MSH5: variants seen among roughly 807,000 people sequenced by gnomAD.
MSH5 encodes mutS homolog 5.
Under a neutral mutation model 107.7 loss-of-function variants are expected in MSH5, and 78 were observed. That is an observed-to-expected ratio of 0.72 (90% CI 0.60 to 0.87). The LOEUF (loss-of-function observed/expected upper bound fraction) is 0.87. Ranked by LOEUF, MSH5 falls within the 40% of genes least tolerant of loss-of-function variation. MSH5 has a pLI of 0.00. For synonymous variants in MSH5, 326 were observed against 399.5 expected (o/e 0.82, Z 2.19); for missense variants, 889 against 1,046.6 (o/e 0.85, Z 2.08).
intron 10 of MSH5, among the ~76,000 whole-genome samples, chr6:31,751,985 G>A (rs1030931896): frequency 6.6e-6 from 1 of 151,972 alleles, no homozygotes; most frequent in African/African-American, 2.4e-5. Flanking sequence ...TGTAGTTCCA[G>A]CTGCTGGGGA....
intron 9 of MSH5, 45 bp from the exon 10 acceptor site, chr6:31,747,342 G>T: frequency 6.2e-7 from 1 of 1,603,442 alleles, no homozygotes; most frequent in Non-Finnish European, 8.5e-7. Context: ...TCCATTCCCT[G>T]TCCCTGCCTT....
chr6:31,743,387 G>T (rs1011171958), intron 5 of MSH5: 2 of 602,516 alleles, frequency 3.3e-6, no homozygotes, highest in Non-Finnish European at 5.9e-6. Flanking sequence ...GTCATGTCTA[G>T]GGATGAGGGC....
Position 31,759,276 on chromosome 6 carries a change from C to T in MSH5, c.1407+99C>T. The T allele has an allele frequency of 7.3e-7, 1 of 1,373,190 alleles. No homozygotes were observed. Among genetic ancestry groups the T allele is most frequent in the Non-Finnish European group, 1.0e-6 (1 of 963,214 alleles). 85.1% of individuals were successfully genotyped at this position (1,373,190 alleles called of 1,614,324 possible). ...AGCAGCACTGCCCAATATGGGATCT[C>T]TCCTCTGTAGTTTTACTCTGAGCTT... On this transcript the variant is annotated intron_variant, in intron 16 of 24. Coordinates refer to ENST00000375750, the MANE Select transcript of MSH5 (RefSeq NM_172166.4). This position sits in a 1 kb window ranked among gnomAD's most constrained non-coding sequence, Gnocchi z 4.7.
At chr6:31,753,149 G>T in intron 10 of MSH5, 152 bp from the exon 11 acceptor site, 1 of 907,860 alleles carries the variant, frequency 1.1e-6, no homozygotes, top group South Asian at 1.7e-5. Flanking sequence ...CACCTGAATG[G>T]GTAGGACACT....
In MSH5 at chr6:31,743,936, G is replaced by A. The variant is rs1347431600; in HGVS notation, c.448G>A (p.Gly150Arg). 5.0e-6 allele frequency: 8 copies of A among 1,613,348 alleles called. No homozygotes were observed. In the South Asian group the frequency reaches 8.8e-5, roughly 18 times the overall value. Reference sequence around the variant, plus strand: ...GATAAGCAAACAACGCCTCCTTTCTGGAAACTACTCCTTCATCCCAGACGC... The same window carrying A: ...GATAAGCAAACAACGCCTCCTTTCTAGAAACTACTCCTTCATCCCAGACGC... ...LEISKQRLLS[G>R]NYSFIPDAMT... Residue 150 changes from glycine to arginine, a missense_variant, in exon 6 of 25, where the codon GGA becomes AGA. By Grantham distance (125) the Gly-to-Arg change is moderately radical (BLOSUM62 -2). This residue lies in a region of MSH5 where 518 missense variants were observed against 565.0 expected (regional missense o/e 0.92). Transcript: ENST00000375750.
chr6:31,744,039 T>C lies in MSH5; in HGVS notation c.537+14T>C. ...TGCCTCCTCACAGTGAGATTGGTCC[T>C]GGGGGATAAGGGCTGGGAGGCGGCA... On this transcript the variant is annotated intron_variant, in intron 6 of 24. Coordinates refer to ENST00000375750, the MANE Select transcript of MSH5 (RefSeq NM_172166.4). 6.2e-7 allele frequency: 1 copy of C among 1,613,998 alleles called. No homozygotes were observed. Among genetic ancestry groups the C allele is most frequent in the East Asian group, 2.2e-5 (1 of 44,886 alleles).
rs116847602 is a variant in MSH5 at position 31,753,278 on chromosome 6, C to A, written c.813-23C>A. 9.1e-4 allele frequency: 1,436 copies of A among 1,580,702 alleles called. 30 individuals carry two copies. The East Asian group carries it at 0.031, about 34-fold the overall frequency. ...GATGATAGATGTAACTTGTAGTACC[C>A]CCACCCAAACCCTCACTTCCAGGCT... On this transcript the variant is annotated intron_variant, in intron 10 of 24. Transcript: ENST00000375750.
At chr6:31,742,741 C>G in intron 3 of MSH5, 136 bp from the exon 4 acceptor site, 5 of 752,858 alleles carry the variant, frequency 6.6e-6, no homozygotes, top group Non-Finnish European at 1.1e-5. Context: ...TGTGTTCCCA[C>G]TGTGCAGAGC....
chr6:31,747,465 G>A (rs1191251451), intron 10 of MSH5, 33 bp downstream of exon 10: 1 of 1,607,526 alleles, frequency 6.2e-7, no homozygotes, highest in South Asian at 1.1e-5. Context: ...ACACACTAAT[G>A]CATGAATTCC....
At position 31,745,231 on chromosome 6, in the gene MSH5, C is replaced by A. The variant is rs749157294; in HGVS notation, c.684-6C>A. 2.5e-6 allele frequency: 4 copies of A among 1,602,626 alleles called. No individual in the cohort carries two copies. The highest frequency in any genetic ancestry group is 8.5e-7 in the Non-Finnish European group (1 of 1,169,808). On this transcript the variant is annotated splice_region_variant and splice_polypyrimidine_tract_variant and intron_variant, in intron 8 of 24. Coordinates refer to ENST00000375750, the MANE Select transcript of MSH5 (RefSeq NM_172166.4). ...TACCCCAAACTCCTCCATTTCTCCT[C>A]GACAGTGTTCTACAGATTTTTAAGA...
chr6:31,745,260 A>T lies in MSH5; in HGVS notation c.707A>T (p.Glu236Val). Residue 236 changes from glutamate (E) to valine (V), a missense_variant, in exon 9 of 25, where the codon GAG (glutamate) becomes GTG (valine). This residue lies in a region of MSH5 where 518 missense variants were observed against 565.0 expected (regional missense o/e 0.92). Coordinates refer to ENST00000375750, the MANE Select transcript of MSH5 (RefSeq NM_172166.4). ...TYSVLQIFKSESHPSVYKVAS... is the reference protein window; with the variant it reads ...TYSVLQIFKSVSHPSVYKVAS... ...AGTGTTCTACAGATTTTTAAGAGTGAGTCTCACCCCTCAGTGTACAAAGTG... is the reference window on the plus strand; with the variant it reads ...AGTGTTCTACAGATTTTTAAGAGTGTGTCTCACCCCTCAGTGTACAAAGTG... 6.2e-7 allele frequency: 1 copy of T among 1,613,190 alleles called. No homozygotes were observed. Among genetic ancestry groups the T allele is most frequent in the Non-Finnish European group, 8.5e-7 (1 of 1,179,212 alleles).
intron 10 of MSH5, among the ~76,000 whole-genome samples, chr6:31,749,799 A>C (rs1287964051): frequency 6.6e-6 from 1 of 152,192 alleles, no homozygotes; most frequent in East Asian, 1.9e-4. Flanking sequence ...AGTAGCACTC[A>C]ATGTGTGAAC....
chr6:31,758,965 G>A lies in MSH5; in HGVS notation c.1326+90G>A, dbSNP rs1810709545. 1 of 1,430,294 alleles carries A rather than the reference G, an allele frequency of 7.0e-7. No individual in the cohort carries two copies. Among genetic ancestry groups the A allele is most frequent in the Non-Finnish European group, 9.8e-7 (1 of 1,015,260 alleles). The allele number at this position is 1,430,294 out of a possible 1,614,324, so 88.6% of individuals were successfully genotyped here. A position where few individuals can be genotyped will look rare whatever the true frequency, so the allele number is the denominator to read the frequency against. On this transcript the variant is annotated intron_variant, in intron 15 of 24. Coordinates refer to ENST00000375750, the MANE Select transcript of MSH5 (RefSeq NM_172166.4). This position sits in a 1 kb window ranked among gnomAD's most constrained non-coding sequence, Gnocchi z 5.1. ...GACATACTGGTAGATAAGAAAACTT[G>A]TGGGGCAGCCTGAAGAACATGAACA... is the stretch of plus-strand genomic sequence containing the variant.
intron 5 of MSH5, chr6:31,743,618 C>T: frequency 2.0e-6 from 1 of 493,778 alleles, no homozygotes; most frequent in Non-Finnish European, 3.5e-6. Flanking sequence ...CTATTAATAC[C>T]ATTATTTTGA....
rs756645495 is a variant in MSH5 at position 31,746,080 on chromosome 6, TTG to T, written c.766+794_766+795del. The T allele has an allele frequency of 2.3e-3, 273 of 116,816 alleles. 2 individuals carry two copies. Among genetic ancestry groups the T allele is most frequent in the Admixed American group, 9.8e-3 (109 of 11,116 alleles). The allele number at this position is 116,816 out of a possible 1,614,324, so 7.2% of individuals were successfully genotyped here. On this transcript the variant is annotated intron_variant, in intron 9 of 24. Transcript: ENST00000375750. ...CGCGCCTGGCCAGTTGTGTCCAGTT[TTG>T]TGTGTGTGTGTGTGTGTGTGTGTGT...
chr6:31,758,060 T>C lies in MSH5; in HGVS notation c.1015-105T>C, dbSNP rs1810604875. 8.5e-6 allele frequency: 12 copies of C among 1,409,946 alleles called. No individual in the cohort carries two copies. Among genetic ancestry groups the C allele is most frequent in the Admixed American group, 1.8e-5 (1 of 54,128 alleles). 87.3% of individuals were successfully genotyped at this position (1,409,946 alleles called of 1,614,324 possible). ...TGCCTTTGAGATCTTCCCTCTTTGT[T>C]ACTGTGATCTTCCCTACTGGTCTTT... On this transcript the variant is annotated intron_variant, in intron 12 of 24. Coordinates refer to ENST00000375750, the MANE Select transcript of MSH5 (RefSeq NM_172166.4). The surrounding 1 kb of genome is among the most constrained non-coding windows in gnomAD (Gnocchi z 5.1).
rs1808801290 is a variant in MSH5, at chr6:31,740,893, G to A, written c.148-270G>A. 6.6e-6 allele frequency among the ~76,000 whole-genome samples: 1 copy of A among 152,000 alleles called. No homozygotes were observed. Among genetic ancestry groups the A allele is most frequent in the Admixed American group, 6.6e-5 (1 of 15,266 alleles). On this transcript the variant is annotated intron_variant, in intron 2 of 24. Coordinates refer to ENST00000375750, the MANE Select transcript of MSH5 (RefSeq NM_172166.4). This position sits in a 1 kb window ranked among gnomAD's most constrained non-coding sequence, Gnocchi z 4.4. ...GGAGAATCACTGTAACTCGGGAGGC[G>A]GAGGTTGCAATGAGCTGAGATTGCT... is the stretch of plus-strand genomic sequence containing the variant.
At chr6:31,745,195 A>G (rs371215649) in intron 8 of MSH5, 42 bp from the exon 9 acceptor site, 2 of 1,287,094 alleles carry the variant, frequency 1.6e-6, no homozygotes, top group Admixed American at 1.7e-5. Flanking sequence ...ATTCCCTTCA[A>G]AAGTCCAAGT....
At chr6:31,753,701 C>G (rs950163195) in intron 12 of MSH5, 72 bp downstream of exon 12, 14 of 1,375,994 alleles carry the variant, frequency 1.0e-5, no homozygotes, top group Non-Finnish European at 1.4e-5. Flanking sequence ...CTGTCTGTAC[C>G]CTAGACATGC....
Sources: gnomAD v4.1 joint callset for allele counts (sites outside exome capture counted in the v4.1 genomes callset) on GRCh38, gnomAD v4.1.1 for gene constraint, gnomAD v4.1.1 regional missense constraint, Gnocchi (gnomAD v3.1) non-coding constraint, MANE v1.5 for transcripts, NCBI Gene and HGNC (gene_info 2026-07-23, HGNC 2026-07-21) for gene names.